XPNPEP2: variants seen among roughly 807,000 people sequenced by gnomAD.
The protein encoded by XPNPEP2 is xaa-Pro aminopeptidase 2.
In XPNPEP2, 64 loss-of-function variants were observed where a neutral mutation model predicts 59.8. The observed-to-expected ratio is 1.07, with a 90% confidence interval of 0.87 to 1.32. The LOEUF (loss-of-function observed/expected upper bound fraction) is 1.32. XPNPEP2 is among the 40% of genes most tolerant of loss of function. The probability of loss-of-function intolerance (pLI) is 0.00; values close to 1 mark genes in which losing one functional copy is unlikely to be tolerated. For missense variants in XPNPEP2, 575 were observed against 546.8 expected, an observed-to-expected ratio of 1.05 and a Z score of -0.51; for synonymous variants, 235 against 210.0, an observed-to-expected ratio of 1.12 and a Z score of -1.03.
Position 129,756,523 on chromosome X carries a change from G to A in XPNPEP2, c.1335G>A (p.Glu445=), listed in dbSNP as rs771088138. Residue 445 remains glutamate, a synonymous_variant, in exon 14 of 21, where the codon GAG becomes GAA. Coordinates refer to ENST00000371106, the MANE Select transcript of XPNPEP2 (RefSeq NM_003399.6). ...KELNRKLSSD[E]MYLLDSGGQY... is the part of the protein sequence containing the mutation. ...TGAACCGCAAGCTGTCCTCAGATGAGATGTACCTGCTGGACTCTGGGGGGC... is the reference window on the plus strand; with the variant it reads ...TGAACCGCAAGCTGTCCTCAGATGAAATGTACCTGCTGGACTCTGGGGGGC... 4 of 1,211,545 alleles carry A rather than the reference G, an allele frequency of 3.3e-6. No individual in the cohort carries two copies. The South Asian group carries it at 5.3e-5, about 16-fold the overall frequency.
chrX:129,746,304 C>A lies in XPNPEP2; in HGVS notation c.367C>A (p.Arg123=). The A allele has an allele frequency of 2.5e-6, 3 of 1,210,738 alleles. No individual in the cohort carries two copies. Among genetic ancestry groups the A allele is most frequent in the Non-Finnish European group, 3.4e-6 (3 of 895,344 alleles). The change falls in exon 5 of 21, where the codon CGG becomes AGG. Residue 123 remains arginine, a synonymous_variant. Coordinates refer to ENST00000371106, the MANE Select transcript of XPNPEP2 (RefSeq NM_003399.6). Reference sequence around the variant, plus strand: ...CAGTCGCTACTGGACTCAGGCTGAGCGGCAGATGGACTGCAACTGGGAGCT... The same window carrying A: ...CAGTCGCTACTGGACTCAGGCTGAGAGGCAGATGGACTGCAACTGGGAGCT... The part of the protein sequence containing the change: ...TDSRYWTQAE[R]QMDCNWELHK...
chrX:129,751,236 G>A (rs922289197), intron 8 of XPNPEP2, among the ~76,000 whole-genome samples: 33 of 108,730 alleles, frequency 3.0e-4, no homozygotes, highest in Admixed American at 5.0e-4. Context: ...GGCCGGGTGC[G>A]GTGACTCACG....
intron 7 of XPNPEP2, 30 bp from the exon 8 acceptor site, chrX:129,750,438 T>C: frequency 8.7e-7 from 1 of 1,153,775 alleles, no homozygotes. Flanking sequence ...GTCTGTCACT[T>C]ACACTTTTTT....
At position 129,750,469 on chromosome X, in the gene XPNPEP2, G is replaced by T. The variant is rs1245498153; in HGVS notation, c.639G>T (p.Gly213=). 1 of 1,191,480 alleles carries T rather than the reference G, an allele frequency of 8.4e-7. No individual in the cohort carries two copies. The highest frequency in any genetic ancestry group is 2.3e-5 in the Admixed American group (1 of 42,799). Residue 213 remains glycine (G), a splice_region_variant and synonymous_variant, in exon 8 of 21, where the codon GGG becomes GGT. Coordinates refer to ENST00000371106, the MANE Select transcript of XPNPEP2 (RefSeq NM_003399.6). ...TTTTTGGGGCTCCTTTGCTTCTAGG[G>T]AGCACTTGGCAGGAGAAAGTATCTG... ...PIYALQEAFT[G]STWQEKVSGV... is the part of the protein sequence containing the mutation.
At position 129,745,275 on chromosome X, in the gene XPNPEP2, C is replaced by G. The variant is rs1174335560; in HGVS notation, c.298+9C>G. 4 of 1,211,241 alleles carry G rather than the reference C, an allele frequency of 3.3e-6. No individual in the cohort carries two copies. The highest frequency in any genetic ancestry group is 4.5e-6 in the Non-Finnish European group (4 of 895,159). On this transcript the variant is annotated intron_variant, in intron 4 of 20. Coordinates refer to ENST00000371106, the MANE Select transcript of XPNPEP2 (RefSeq NM_003399.6). ...CTTTACAGGGTCTGCAGGTGACAAT[C>G]ATTACCCAGCCCCATTGCTTTTGTT... is the stretch of plus-strand genomic sequence containing the variant.
chrX:129,740,395 G>A (rs750856878), intron 1 of XPNPEP2, among the ~76,000 whole-genome samples: 8 of 112,393 alleles, frequency 7.1e-5, no homozygotes, highest in Non-Finnish European at 1.3e-4. Context: ...GGGAGGCCAT[G>A]GCAGGCGGAT....
At position 129,762,040 on chromosome X, in the gene XPNPEP2, G is replaced by A; in HGVS notation, c.1638G>A (p.Met546Ile). The change falls in exon 18 of 21, where the codon ATG becomes ATA. Residue 546 changes from methionine (M) to isoleucine (I), a missense_variant. Transcript: ENST00000371106. ...GATTCCAGTCCAACAACATCGCTAT[G>A]GCCAAGGGCATGTTCACTTCCATTG... ...PVGFQSNNIAMAKGMFTSIEP... is the reference protein window; with the variant it reads ...PVGFQSNNIAIAKGMFTSIEP... The A allele has an allele frequency of 8.3e-7, 1 of 1,211,773 alleles. No individual in the cohort carries two copies. The highest frequency in any genetic ancestry group is 1.8e-5 in the South Asian group (1 of 57,019).
intron 8 of XPNPEP2, among the ~76,000 whole-genome samples, chrX:129,751,535 GAAGA>G (rs1178245774): frequency 0.044 from 2,227 of 50,765 alleles, 97 homozygotes; most frequent in Middle Eastern, 0.075. Flanking sequence ...AGAAAGAAAG[GAAGA>G]AAGAAAGAAA....
chrX:129,741,460 A>T (rs948907070), intron 1 of XPNPEP2, among the ~76,000 whole-genome samples: 2 of 112,550 alleles, frequency 1.8e-5, no homozygotes, highest in Non-Finnish European at 3.7e-5. Context: ...TTTCCACCTC[A>T]TAGTGATGTC....
intron 7 of XPNPEP2, among the ~76,000 whole-genome samples, chrX:129,750,221 AAC>A (rs1283000578): frequency 8.9e-6 from 1 of 112,772 alleles, no homozygotes; most frequent in East Asian, 2.8e-4. Flanking sequence ...TGCAAAATGG[AAC>A]ACAGAGGGGT....
At chrX:129,744,775 T>C (rs1196704766) in intron 3 of XPNPEP2, among the ~76,000 whole-genome samples, 1 of 112,090 alleles carries the variant, frequency 8.9e-6, no homozygotes, top group African/African-American at 3.2e-5. Flanking sequence ...AATATGATAA[T>C]GTGTAAAGCC....
At chrX:129,763,900 G>A (rs192418674) in intron 19 of XPNPEP2, among the ~76,000 whole-genome samples, 33 of 109,806 alleles carry the variant, frequency 3.0e-4, no homozygotes, top group Non-Finnish European at 2.5e-4. Flanking sequence ...ATGGACAGGG[G>A]GAACAAATGG....
intron 3 of XPNPEP2, 149 bp downstream of exon 3, chrX:129,744,220 AG>A: frequency 2.0e-6 from 1 of 500,603 alleles, no homozygotes. Flanking sequence ...CGGTAGTTTT[AG>A]GGCAAGTGAA....
chrX:129,755,523 A>C, intron 13 of XPNPEP2, 152 bp downstream of exon 13: 1 of 500,582 alleles, frequency 2.0e-6, no homozygotes, highest in Non-Finnish European at 3.3e-6. Flanking sequence ...AGAGGAGCTC[A>C]GTGTGGAGTA....
At chrX:129,767,460 G>C (rs1926770986) in intron 19 of XPNPEP2, 143 bp from the exon 20 acceptor site, 1 of 536,864 alleles carries the variant, frequency 1.9e-6, no homozygotes, top group South Asian at 2.9e-5. Flanking sequence ...ACTCTAGAAG[G>C]CTCAGGCCTA....
At position 129,750,514 on chromosome X, in the gene XPNPEP2, G is replaced by C; in HGVS notation, c.684G>C (p.Gln228His). Residue 228 changes from glutamine (Q) to histidine (H), a missense_variant, in exon 8 of 21, where the codon CAG becomes CAC. Transcript: ENST00000371106. ...EKVSGVRSQM[Q>H]KHQKVPTAVL... ...TATCTGGCGTCCGAAGCCAGATGCA[G>C]AAGCATCAAAAGGTCCCGACTGCCG... 1 of 1,198,424 alleles carries C rather than the reference G, an allele frequency of 8.3e-7. No individual in the cohort carries two copies. The highest frequency in any genetic ancestry group is 1.1e-6 in the Non-Finnish European group (1 of 888,992).
At chrX:129,767,965 A>G (rs1178480710) in intron 20 of XPNPEP2, among the ~76,000 whole-genome samples, 1 of 111,739 alleles carries the variant, frequency 8.9e-6, no homozygotes, top group Admixed American at 9.5e-5. Flanking sequence ...GCCTGGAACT[A>G]TAAGTGATCC....
intron 19 of XPNPEP2, among the ~76,000 whole-genome samples, chrX:129,764,028 T>C (rs1926702558): frequency 1.8e-5 from 2 of 109,765 alleles, no homozygotes; most frequent in African/African-American, 6.6e-5. Context: ...TATCAATTCA[T>C]TTATAATCTC....
rs771789941 is a variant in XPNPEP2 at position 129,753,079 on chromosome X, C to T, written c.1018-80C>T. On this transcript the variant is annotated intron_variant, in intron 10 of 20. Coordinates refer to ENST00000371106, the MANE Select transcript of XPNPEP2 (RefSeq NM_003399.6). ...CTCCTGCCAGTCCTCTGAAAACACC[C>T]CTGTGCCATGGAGACCTCCTTTACT... is the stretch of plus-strand genomic sequence containing the variant. 68 of 846,699 alleles carry T rather than the reference C, an allele frequency of 8.0e-5. No homozygotes were observed. In the African/African-American group the frequency reaches 9.2e-4, roughly 11 times the overall value. 69.8% of individuals were successfully genotyped at this position (846,699 alleles called of 1,213,427 possible). A position where few individuals can be genotyped will look rare whatever the true frequency, so the allele number is the denominator to read the frequency against.
Sources: allele counts gnomAD v4.1 joint callset (sites outside exome capture counted in the v4.1 genomes callset), GRCh38; gene constraint gnomAD v4.1.1; transcripts MANE v1.5; gene names NCBI Gene and HGNC (gene_info 2026-07-23, HGNC 2026-07-21).